TPCN2: variants seen among roughly 807,000 people sequenced by gnomAD.
TPCN2 encodes two pore channel protein 2.
A neutral mutation model predicts 111.4 loss-of-function variants in TPCN2; 92 were observed. The ratio of observed to expected loss-of-function variants is 0.83; its 90% CI spans 0.70 to 0.98. TPCN2 has a LOEUF of 0.98. TPCN2 is among the 50% of genes least tolerant of loss of function. The pLI is 0.00. For synonymous variants in TPCN2, 405 were observed against 414.5 expected (o/e 0.98, Z 0.28); for missense variants, 995 against 980.1 (o/e 1.02, Z -0.20).
intron 13 of TPCN2, among the ~76,000 whole-genome samples, chr11:69,076,019 G>T (rs1229198755): frequency 1.3e-5 from 2 of 152,164 alleles, no homozygotes; most frequent in Non-Finnish European, 2.9e-5. Flanking sequence ...CTTGGCCAAG[G>T]TGTCCGTCTG....
rs568013335 is a variant in TPCN2, at chr11:69,085,832, G to GT, written c.1921-15dup. On this transcript the variant is annotated splice_polypyrimidine_tract_variant and intron_variant, in intron 21 of 24. Coordinates refer to ENST00000294309, the MANE Select transcript of TPCN2 (RefSeq NM_139075.4). ...CCTCCTGGGCCCTCCTGGACCGCTG[G>GT]TCTCTGCCCCCGCAGGCTGCCCTGG... 1.3e-4 allele frequency: 212 copies of GT among 1,614,096 alleles called. 2 individuals carry two copies. The African/African-American group carries it at 2.7e-3, about 20-fold the overall frequency.
intron 9 of TPCN2, among the ~76,000 whole-genome samples, chr11:69,070,855 T>TTCACCCCAGGGATCCCC (rs1855495721): frequency 5.5e-5 from 2 of 36,442 alleles, no homozygotes; most frequent in Admixed American, 3.1e-4. Context: ...CAGGGATCCC[T>TTCACCCCAGGGATCCCC]CACCAACAGC....
chr11:69,051,618 G>A (rs1301307897), intron 1 of TPCN2, among the ~76,000 whole-genome samples: 1 of 152,236 alleles, frequency 6.6e-6, no homozygotes, highest in African/African-American at 2.4e-5. Context: ...GGCCTGGTGT[G>A]CCGGATGCAG....
At chr11:69,075,917 A>G (rs1203461691) in intron 13 of TPCN2, among the ~76,000 whole-genome samples, 2 of 152,238 alleles carry the variant, frequency 1.3e-5, no homozygotes, top group Non-Finnish European at 2.9e-5. Context: ...CAAGCACTTT[A>G]GTCATATCAG....
rs149949063 is a variant in TPCN2 at position 69,085,685 on chromosome 11, A to G, written c.1853A>G (p.Asn618Ser). The G allele has an allele frequency of 5.8e-4, 940 of 1,613,632 alleles. No individual in the cohort carries two copies. Among genetic ancestry groups the G allele is most frequent in the Non-Finnish European group, 7.3e-4 (856 of 1,179,654 alleles). Residue 618 changes from asparagine (N) to serine (S), a missense_variant, in exon 21 of 25, where the codon AAT becomes AGT. Coordinates refer to ENST00000294309, the MANE Select transcript of TPCN2 (RefSeq NM_139075.4). ...GTGTTCCCCAGCCTGGCCCCTGCCAATGGCTCGGCGCCCTGTGGGAGCTTC... is the reference window on the plus strand; with the variant it reads ...GTGTTCCCCAGCCTGGCCCCTGCCAGTGGCTCGGCGCCCTGTGGGAGCTTC... ...LPGNSSLAPA[N>S]GSAPCGSFEQ...
At chr11:69,054,882 C>A in intron 3 of TPCN2, 85 bp downstream of exon 3, 3 of 1,398,038 alleles carry the variant, frequency 2.1e-6, no homozygotes, top group South Asian at 1.2e-5. Context: ...ATCACCTGGT[C>A]TCAGGGTCCA....
chr11:69,077,057 GCCATGT>G (rs1480525941), intron 13 of TPCN2, among the ~76,000 whole-genome samples: 7 of 102,056 alleles, frequency 6.9e-5, no homozygotes, highest in Non-Finnish European at 9.9e-5. Context: ...CTGCCCTCGT[GCCATGT>G]CCCTCCACTT....
chr11:69,087,121 C>T lies in TPCN2; in HGVS notation c.2095C>T (p.His699Tyr), dbSNP rs1441234784. The change falls in exon 24 of 25, where the codon CAC (histidine) becomes TAC (tyrosine). Residue 699 changes from histidine (H) to tyrosine (Y), a missense_variant. Coordinates refer to ENST00000294309, the MANE Select transcript of TPCN2 (RefSeq NM_139075.4). ...TCCTCCTGCTTGCCAGAACTTCCTT[C>T]ACAAGTGGGACCCCCGCAGCCACCT... ...FLALILENFLHKWDPRSHLQP... is the reference protein window; with the variant it reads ...FLALILENFLYKWDPRSHLQP... 1.9e-6 allele frequency: 3 copies of T among 1,613,668 alleles called. No homozygotes were observed. The highest frequency in any genetic ancestry group is 2.5e-6 in the Non-Finnish European group (3 of 1,179,806).
At chr11:69,085,791 G>A in intron 21 of TPCN2, 39 bp downstream of exon 21, 1 of 1,613,026 alleles carries the variant, frequency 6.2e-7, no homozygotes, top group Non-Finnish European at 8.5e-7. Context: ...TGCTCCCCGG[G>A]CTCCTCCCCT....
At chr11:69,056,984 C>T (rs748839146) in intron 4 of TPCN2, among the ~76,000 whole-genome samples, 1 of 152,070 alleles carries the variant, frequency 6.6e-6, no homozygotes, top group Non-Finnish European at 1.5e-5. Context: ...ATTACAGGTG[C>T]CTGCCACCAT....
chr11:69,071,111 A>C (rs1455197967), intron 9 of TPCN2, among the ~76,000 whole-genome samples: 2 of 28,112 alleles, frequency 7.1e-5, no homozygotes, highest in Admixed American at 3.2e-4. Context: ...GGGATCCCCC[A>C]CCAACAGCTT....
At chr11:69,064,117 C>A in intron 7 of TPCN2, 150 bp downstream of exon 7, 1 of 764,196 alleles carries the variant, frequency 1.3e-6, no homozygotes, top group Non-Finnish European at 2.2e-6. Context: ...CAGGAGTCTG[C>A]CTTTGGGTGG....
At chr11:69,067,406 C>T (rs1218643067) in intron 7 of TPCN2, 97 bp from the exon 8 acceptor site, 34 of 1,109,218 alleles carry the variant, frequency 3.1e-5, no homozygotes, top group Middle Eastern at 2.5e-4. Flanking sequence ...GGCTGGGCGG[C>T]GGGTGGATGG....
At position 69,055,332 on chromosome 11, in the gene TPCN2, G is replaced by T; in HGVS notation, c.409G>T (p.Ala137Ser). 2 of 1,610,958 alleles carry T rather than the reference G, an allele frequency of 1.2e-6. No individual in the cohort carries two copies. ...SVEVLCLLVF[A>S]ADLSVKGYLF... The stretch of plus-strand genomic sequence containing the variant: ...CGAGGTGCTCTGCCTGCTGGTCTTT[G>T]CGGCCGACCTCTCTGTGAAGGTGAG... Residue 137 changes from alanine to serine, a missense_variant, in exon 4 of 25, where the codon GCG becomes TCG. Coordinates refer to ENST00000294309, the MANE Select transcript of TPCN2 (RefSeq NM_139075.4).
At chr11:69,064,329 A>G (rs564452554) in intron 7 of TPCN2, among the ~76,000 whole-genome samples, 6 of 112,528 alleles carry the variant, frequency 5.3e-5, no homozygotes, top group African/African-American at 6.9e-5. Flanking sequence ...CCGCCAGGCT[A>G]TTCACTGAGG....
chr11:69,087,959 G>A lies in TPCN2; in HGVS notation c.*6G>A, dbSNP rs576672100. ...ACCTGTGGCTGTGCAGGTGACGTCC[G>A]GGCTGCCGTCCCAGCAGGGGCGGCA... is the stretch of plus-strand genomic sequence containing the variant. On this transcript the variant is annotated 3_prime_UTR_variant, in exon 25 of 25. Transcript: ENST00000294309. The A allele has an allele frequency of 2.6e-5, 41 of 1,604,662 alleles. No individual in the cohort carries two copies. The highest frequency in any genetic ancestry group is 1.3e-4 in the South Asian group (12 of 89,604).
At chr11:69,050,868 T>C (rs1861195132) in intron 1 of TPCN2, among the ~76,000 whole-genome samples, 1 of 152,164 alleles carries the variant, frequency 6.6e-6, no homozygotes, top group Non-Finnish European at 1.5e-5. Flanking sequence ...TGAGACCCGC[T>C]CTGCTGGGCA....
intron 1 of TPCN2, among the ~76,000 whole-genome samples, chr11:69,052,472 A>G (rs543165465): frequency 6.6e-6 from 1 of 152,224 alleles, no homozygotes; most frequent in East Asian, 1.9e-4. Context: ...AACAGTAGCC[A>G]CTTTCAGAGC....
chr11:69,060,305 C>T (rs1468857877), intron 5 of TPCN2, among the ~76,000 whole-genome samples: 1 of 152,218 alleles, frequency 6.6e-6, no homozygotes, highest in Non-Finnish European at 1.5e-5. Context: ...GTGTGTGTTT[C>T]CGGCTGGGCC....
Sources: allele counts gnomAD v4.1 joint callset (sites outside exome capture counted in the v4.1 genomes callset), GRCh38; gene constraint gnomAD v4.1.1; transcripts MANE v1.5; gene names NCBI Gene and HGNC (gene_info 2026-07-23, HGNC 2026-07-21).